Variants in ALK observed in about 807,000 individuals in gnomAD.
ALK encodes ALK receptor tyrosine kinase.
In ALK, 74 loss-of-function variants were observed where a neutral mutation model predicts 163.1. The observed-to-expected ratio is 0.45, with a 90% CI of 0.38 to 0.55. The LOEUF is 0.55. Among genes scored for constraint, ALK ranks in the 20% least tolerant of loss-of-function variants. The probability of loss-of-function intolerance (pLI) is 0.00; values close to 1 mark genes in which losing one functional copy is unlikely to be tolerated. For synonymous variants in ALK, 960 were observed against 843.2 expected (o/e 1.14, Z -2.40); for missense variants, 2,063 against 2,105.3 (o/e 0.98, Z 0.39).
intron 19 of ALK, 148 bp from the exon 20 acceptor site, chr2:29,223,676 A>AT (rs1669872992): frequency 2.9e-6 from 2 of 692,336 alleles, no homozygotes; most frequent in Non-Finnish European, 4.9e-6. Flanking sequence ...TACTAATAAA[A>AT]TGATTAAAGA....
chr2:29,771,787 A>G (rs879838022), intron 1 of ALK, among the ~76,000 whole-genome samples: 33 of 148,624 alleles, frequency 2.2e-4, no homozygotes, highest in Admixed American at 1.0e-3. Flanking sequence ...GCCCGCCTCG[A>G]CCTCCCAAAG....
intron 3 of ALK, among the ~76,000 whole-genome samples, chr2:29,674,067 A>C (rs1311005939): frequency 7.0e-6 from 1 of 142,948 alleles, no homozygotes; most frequent in Non-Finnish European, 1.5e-5. Context: ...GCTTAAGGAG[A>C]TTTTGGGCTG....
At chr2:29,894,098 G>A (rs1667211251) in intron 1 of ALK, among the ~76,000 whole-genome samples, 1 of 152,182 alleles carries the variant, frequency 6.6e-6, no homozygotes, top group African/African-American at 2.4e-5. Flanking sequence ...TGAAAGGGGT[G>A]TCAAGGACCC....
chr2:29,218,558 G>A (rs1332534471), intron 23 of ALK, among the ~76,000 whole-genome samples: 2 of 152,118 alleles, frequency 1.3e-5, no homozygotes, highest in Non-Finnish European at 2.9e-5. Flanking sequence ...TTGAGAGAGG[G>A]AGAGAGAAAG....
At chr2:29,597,720 T>C (rs6733973) in intron 3 of ALK, among the ~76,000 whole-genome samples, 121,797 of 152,188 alleles carry the variant, frequency 0.8, 49,142 homozygotes, top group African/African-American at 0.91. Context: ...TACAGCTGCT[T>C]AGCTGGAGTC....
chr2:29,856,159 A>C (rs1247889488), intron 1 of ALK, among the ~76,000 whole-genome samples: 1 of 152,184 alleles, frequency 6.6e-6, no homozygotes, highest in Non-Finnish European at 1.5e-5. Context: ...TCATAACTCT[A>C]AGTTTCAGAA....
chr2:29,809,139 G>C (rs1419850160), intron 1 of ALK, among the ~76,000 whole-genome samples: 2 of 152,198 alleles, frequency 1.3e-5, no homozygotes, highest in African/African-American at 2.4e-5. Context: ...TTTTACAGAA[G>C]AATATGGATG....
At chr2:29,442,181 C>T (rs972852244) in intron 4 of ALK, among the ~76,000 whole-genome samples, 1 of 151,966 alleles carries the variant, frequency 6.6e-6, no homozygotes, top group African/African-American at 2.4e-5. Flanking sequence ...GACACTTGAC[C>T]GGTAAAAAGA....
chr2:29,795,227 G>T (rs1298640040), intron 1 of ALK, among the ~76,000 whole-genome samples: 1 of 151,946 alleles, frequency 6.6e-6, no homozygotes, highest in Non-Finnish European at 1.5e-5. Flanking sequence ...ATGAAAAGTT[G>T]TTCAGCCTCG....
intron 1 of ALK, among the ~76,000 whole-genome samples, chr2:29,780,881 T>G (rs1046141183): frequency 1.1e-4 from 16 of 152,242 alleles, no homozygotes; most frequent in Admixed American, 8.5e-4. Context: ...AGCAAAATGT[T>G]CTTTGATGAC....
In ALK at chr2:29,227,524, GGGAGGACTGACCTAAGCAAGTTTGTTCT is replaced by G; in HGVS notation, c.2914+22_2914+49del. 6.9e-7 allele frequency: 1 copy of G among 1,452,552 alleles called. No homozygotes were observed. Among genetic ancestry groups the G allele is most frequent in the Non-Finnish European group, 9.7e-7 (1 of 1,032,744 alleles). The allele number at this position is 1,452,552 out of a possible 1,614,324, so 90.0% of individuals were successfully genotyped here. ...AGAGACTCTGAGGTTTTAGCTTGGTGGGAGGACTGACCTAAGCAAGTTTGTTCTGCTGCCTGGCAGAGAAGCTACCTTT... is the reference window on the plus strand; with the variant it reads ...AGAGACTCTGAGGTTTTAGCTTGGTGGCTGCCTGGCAGAGAAGCTACCTTT... On this transcript the variant is annotated intron_variant, in intron 17 of 28. Transcript: ENST00000389048. This position sits in a 1 kb window ranked among gnomAD's most constrained non-coding sequence, Gnocchi z 4.4.
chr2:29,503,582 G>A (rs1056807377), intron 4 of ALK, among the ~76,000 whole-genome samples: 3 of 152,162 alleles, frequency 2.0e-5, no homozygotes, highest in African/African-American at 7.2e-5. Flanking sequence ...GACTTTGCTT[G>A]GGGAACCTGG....
At chr2:29,200,640 A>G (rs1031386143) in intron 26 of ALK, among the ~76,000 whole-genome samples, 28 of 151,220 alleles carry the variant, frequency 1.9e-4, no homozygotes, top group African/African-American at 6.8e-4. Flanking sequence ...TGGTTCTTTC[A>G]TCACCTATAA....
chr2:29,401,251 C>T (rs2148315205), intron 4 of ALK, among the ~76,000 whole-genome samples: 2 of 152,282 alleles, frequency 1.3e-5, no homozygotes, highest in South Asian at 2.1e-4. Flanking sequence ...GTGGCTGATC[C>T]TGTGTCCTCT....
intron 12 of ALK, among the ~76,000 whole-genome samples, chr2:29,250,478 A>G (rs1664788794): frequency 6.6e-6 from 1 of 152,058 alleles, no homozygotes. Context: ...GACCTGCAGA[A>G]CCAGATGCTG....
chr2:29,753,305 C>T (rs900924534), intron 1 of ALK, among the ~76,000 whole-genome samples: 5 of 152,180 alleles, frequency 3.3e-5, no homozygotes, highest in Non-Finnish European at 5.9e-5. Flanking sequence ...AACCAGAGTG[C>T]TTGAAGATTT....
At chr2:29,814,810 C>T (rs970816100) in intron 1 of ALK, among the ~76,000 whole-genome samples, 8 of 151,172 alleles carry the variant, frequency 5.3e-5, no homozygotes, top group Non-Finnish European at 1.2e-4. Context: ...GGACTAATCC[C>T]TATTCACAGG....
intron 3 of ALK, among the ~76,000 whole-genome samples, chr2:29,594,264 A>C (rs544245343): frequency 6.6e-6 from 1 of 152,284 alleles, no homozygotes; most frequent in African/African-American, 2.4e-5. Context: ...AGGTATTTAC[A>C]TGCATATTGT....
At chr2:29,555,416 G>A (rs1403372151) in intron 3 of ALK, among the ~76,000 whole-genome samples, 6 of 151,952 alleles carry the variant, frequency 3.9e-5, no homozygotes, top group African/African-American at 1.5e-4. Flanking sequence ...AAATTTACTG[G>A]GTAATCTCCC....
Sources: gnomAD v4.1 joint callset for allele counts (sites outside exome capture counted in the v4.1 genomes callset) on GRCh38, gnomAD v4.1.1 for gene constraint, Gnocchi (gnomAD v3.1) non-coding constraint, MANE v1.5 for transcripts, NCBI Gene and HGNC (gene_info 2026-07-23, HGNC 2026-07-21) for gene names.